Variants in CFAP46 observed in about 807,000 individuals in gnomAD.
The protein encoded by CFAP46 is cilia and flagella associated protein 46.
A neutral mutation model predicts 325.7 loss-of-function variants in CFAP46; 245 were observed. The observed-to-expected ratio is 0.75, with a 90% CI of 0.68 to 0.84. The LOEUF (loss-of-function observed/expected upper bound fraction) is 0.84. Among genes scored for constraint, CFAP46 ranks in the 40% least tolerant of loss-of-function variants. CFAP46 has a pLI of 0.00. For missense variants in CFAP46, 3,346 were observed against 3,543.0 expected, an observed-to-expected ratio of 0.94 and a Z score of 1.41; for synonymous variants, 1,523 against 1,495.9, an observed-to-expected ratio of 1.02 and a Z score of -0.42.
At chr10:132,901,061 G>A (rs542781848) in intron 22 of CFAP46, among the ~76,000 whole-genome samples, 1 of 152,252 alleles carries the variant, frequency 6.6e-6, no homozygotes, top group Non-Finnish European at 1.5e-5. Context: ...GGCACTTGCA[G>A]AGTGCCTCTC....
At chr10:132,845,311 C>T (rs534472600) in intron 44 of CFAP46, among the ~76,000 whole-genome samples, 30 of 152,326 alleles carry the variant, frequency 2.0e-4, no homozygotes, top group African/African-American at 6.3e-4. Flanking sequence ...AGTTCTCAGC[C>T]GGGGCCATGT....
At chr10:132,870,255 C>G (rs1848878339) in intron 32 of CFAP46, among the ~76,000 whole-genome samples, 1 of 152,160 alleles carries the variant, frequency 6.6e-6, no homozygotes, top group Non-Finnish European at 1.5e-5. Flanking sequence ...ATTTCTCTCC[C>G]TCCCCTTGGG....
Position 132,867,320 on chromosome 10 carries a change from A to G in CFAP46, c.4743+55T>C. ...TCAGCTGCAGCCCTGCATGGCCACG[A>G]GGCACCGGCGCCCGCTGGGCTGCGG... is the stretch of plus-strand genomic sequence containing the variant. On this transcript the variant is annotated intron_variant, in intron 34 of 57. Coordinates refer to ENST00000368586, the MANE Select transcript of CFAP46 (RefSeq NM_001200049.3). The G allele has an allele frequency of 2.6e-6, 4 of 1,526,836 alleles. No individual in the cohort carries two copies. The Admixed American group carries it at 8.7e-5, about 33-fold the overall frequency. 94.6% of individuals were successfully genotyped at this position (1,526,836 alleles called of 1,614,324 possible).
In CFAP46 at chr10:132,859,058, G is replaced by A. The variant is rs1848688013; in HGVS notation, c.5375+13C>T. The A allele has an allele frequency of 2.6e-6, 4 of 1,548,284 alleles. No individual in the cohort carries two copies. In the African/African-American group the frequency reaches 5.5e-5, roughly 21 times the overall value. ...CAGTGACTCCCGTGCAGGGGTCGTGGAGGCAGCCTTACCTCTTGATCTTCG... is the reference window on the plus strand; with the variant it reads ...CAGTGACTCCCGTGCAGGGGTCGTGAAGGCAGCCTTACCTCTTGATCTTCG... On this transcript the variant is annotated intron_variant, in intron 38 of 57. Coordinates refer to ENST00000368586, the MANE Select transcript of CFAP46 (RefSeq NM_001200049.3).
rs117770246 is a variant in CFAP46, at chr10:132,828,586, T to C, written c.7117+4772A>G. On this transcript the variant is annotated intron_variant, in intron 50 of 57. Transcript: ENST00000368586. The surrounding 1 kb of genome is among the most constrained non-coding windows in gnomAD (Gnocchi z 4.9). ...AGTTCTTTATATAGTCTAAATTTGT[T>C]ACTGTTATCAGATTCTTCCAGTCTT... Among the ~76,000 whole-genome samples, 582 of 152,330 alleles carry C rather than the reference T, an allele frequency of 3.8e-3. 7 individuals are homozygous for C. The South Asian group carries it at 0.06, about 16-fold the overall frequency.
Position 132,836,929 on chromosome 10 carries a change from A to G in CFAP46, c.6439-15T>C. ...TTTTGCCAAGCCTGTGTGGCGAAAAACGGCCATCAGGGGATGCATTTAGGA... is the reference window on the plus strand; with the variant it reads ...TTTTGCCAAGCCTGTGTGGCGAAAAGCGGCCATCAGGGGATGCATTTAGGA... On this transcript the variant is annotated splice_polypyrimidine_tract_variant and intron_variant, in intron 44 of 57. Coordinates refer to ENST00000368586, the MANE Select transcript of CFAP46 (RefSeq NM_001200049.3). 1 of 1,600,388 alleles carries G rather than the reference A, an allele frequency of 6.2e-7. No homozygotes were observed. Among genetic ancestry groups the G allele is most frequent in the Non-Finnish European group, 8.6e-7 (1 of 1,167,648 alleles).
At chr10:132,874,960 A>G (rs1848939597) in intron 31 of CFAP46, among the ~76,000 whole-genome samples, 1 of 152,234 alleles carries the variant, frequency 6.6e-6, no homozygotes, top group Non-Finnish European at 1.5e-5. Flanking sequence ...AAGAGTGGAA[A>G]CTAAAAAAGA....
chr10:132,857,359 C>T (rs575311283), intron 39 of CFAP46, among the ~76,000 whole-genome samples: 18 of 152,358 alleles, frequency 1.2e-4, no homozygotes, highest in Admixed American at 7.8e-4. Flanking sequence ...GTGGTGAGCT[C>T]GGACCTTAGC....
Position 132,847,522 on chromosome 10 carries a change from C to A in CFAP46, c.5953-201G>T, listed in dbSNP as rs1564776059. Among the ~76,000 whole-genome samples, 2 of 152,020 alleles carry A rather than the reference C, an allele frequency of 1.3e-5. No individual in the cohort carries two copies. Among genetic ancestry groups the A allele is most frequent in the African/African-American group, 4.8e-5 (2 of 41,382 alleles). On this transcript the variant is annotated intron_variant, in intron 41 of 57. Transcript: ENST00000368586. The surrounding 1 kb of genome is among the most constrained non-coding windows in gnomAD (Gnocchi z 5.2). ...TGCAGGGTGGCCCTGACCCGTGAGCCTGGGCAAGGGGACGCTGGAGCCTGG... is the reference window on the plus strand; with the variant it reads ...TGCAGGGTGGCCCTGACCCGTGAGCATGGGCAAGGGGACGCTGGAGCCTGG...
In CFAP46 at chr10:132,918,501, C is replaced by T; in HGVS notation, c.1878G>A (p.Arg626=). The T allele has an allele frequency of 1.3e-6, 2 of 1,523,164 alleles. No homozygotes were observed. The highest frequency in any genetic ancestry group is 2.5e-5 in the East Asian group (1 of 40,148). 94.4% of individuals were successfully genotyped at this position (1,523,164 alleles called of 1,614,324 possible). A position where few individuals can be genotyped will look rare whatever the true frequency, so the allele number is the denominator to read the frequency against. The change falls in exon 16 of 58, where the codon AGG becomes AGA. Residue 626 remains arginine (R), a synonymous_variant. Transcript: ENST00000368586. Reference sequence around the variant, plus strand: ...TCCAGGTGTCCTGCACCGAGCCGTCCCTACCTCGCTTCTTCTTCCCTGAGA... The same window carrying T: ...TCCAGGTGTCCTGCACCGAGCCGTCTCTACCTCGCTTCTTCTTCCCTGAGA... The part of the protein sequence containing the change: ...RLRRGKKKRG[R]DGSVQDTWSQ...
At chr10:132,815,549 A>G (rs10781587) in intron 50 of CFAP46, among the ~76,000 whole-genome samples, 86,005 of 152,136 alleles carry the variant, frequency 0.57, 24,901 homozygotes, top group Admixed American at 0.66. Flanking sequence ...CGAAGTAAAT[A>G]TGTGCATTTT....
chr10:132,919,978 A>C lies in CFAP46; in HGVS notation c.1730+81T>G, dbSNP rs112096435. On this transcript the variant is annotated intron_variant, in intron 14 of 57. Transcript: ENST00000368586. The surrounding 1 kb of genome is among the most constrained non-coding windows in gnomAD (Gnocchi z 9.7). ...AGACGGCCACATGCAGGGTCAGCTC[A>C]GCCGCCACAGACACTGGCCCTCGGG... 2 of 1,419,630 alleles carry C rather than the reference A, an allele frequency of 1.4e-6. No individual in the cohort carries two copies. Among genetic ancestry groups the C allele is most frequent in the African/African-American group, 2.9e-5 (2 of 68,586 alleles). The allele number at this position is 1,419,630 out of a possible 1,614,324, so 87.9% of individuals were successfully genotyped here. A position where few individuals can be genotyped will look rare whatever the true frequency, so the allele number is the denominator to read the frequency against.
chr10:132,941,964 C>T lies in CFAP46; in HGVS notation c.174+16G>A, dbSNP rs1850110204. ...TGTCAAAGCTGCCCTGACCGAGGAT[C>T]CCGGGAACTAGTTACCTTCAGGGCC... On this transcript the variant is annotated intron_variant, in intron 2 of 57. Coordinates refer to ENST00000368586, the MANE Select transcript of CFAP46 (RefSeq NM_001200049.3). The T allele has an allele frequency of 6.4e-7, 1 of 1,551,450 alleles. No individual in the cohort carries two copies. Among genetic ancestry groups the T allele is most frequent in the Non-Finnish European group, 8.7e-7 (1 of 1,146,860 alleles).
At chr10:132,824,664 A>G (rs1463180435) in intron 50 of CFAP46, among the ~76,000 whole-genome samples, 1 of 68,970 alleles carries the variant, frequency 1.4e-5, no homozygotes, top group African/African-American at 6.3e-5. Flanking sequence ...CTGTGTGCTG[A>G]CGTGTGCTGT....
chr10:132,817,293 C>T lies in CFAP46; in HGVS notation c.7118-2379G>A, dbSNP rs900978145. Among the ~76,000 whole-genome samples the T allele has an allele frequency of 6.6e-6, 1 of 152,206 alleles. No individual in the cohort carries two copies. The highest frequency in any genetic ancestry group is 2.4e-5 in the African/African-American group (1 of 41,444). On this transcript the variant is annotated intron_variant, in intron 50 of 57. Coordinates refer to ENST00000368586, the MANE Select transcript of CFAP46 (RefSeq NM_001200049.3). The surrounding 1 kb of genome is among the most constrained non-coding windows in gnomAD (Gnocchi z 4.4). ...TCAGACACCGGCCCTCCGGGTTACT[C>T]TTAAATATTTACTCATTTTCCCTTC...
chr10:132,899,456 G>C, intron 23 of CFAP46, 79 bp downstream of exon 23: 1 of 1,458,180 alleles, frequency 6.9e-7, no homozygotes, highest in South Asian at 1.4e-5. Flanking sequence ...CACAGGATGG[G>C]CCACAGCCTT....
At chr10:132,912,512 C>CCT (rs1386116806) in intron 19 of CFAP46, 143 bp downstream of exon 19, 5 of 568,974 alleles carry the variant, frequency 8.8e-6, no homozygotes, top group Non-Finnish European at 1.1e-5. Context: ...TCTCTCCTCT[C>CCT]CTCTCTCTCT....
intron 27 of CFAP46, among the ~76,000 whole-genome samples, chr10:132,883,656 C>G (rs779988770): frequency 6.6e-6 from 1 of 152,242 alleles, no homozygotes; most frequent in Non-Finnish European, 1.5e-5. Flanking sequence ...CGCCAGAACT[C>G]GGGAGCAAAT....
chr10:132,899,260 T>G (rs944917515), intron 23 of CFAP46, 139 bp from the exon 24 acceptor site: 1 of 1,048,448 alleles, frequency 9.5e-7, no homozygotes, highest in Non-Finnish European at 1.3e-6. Flanking sequence ...TGCTCAGGAG[T>G]CCCTGCTGCA....
Sources: allele counts gnomAD v4.1 joint callset (sites outside exome capture counted in the v4.1 genomes callset), GRCh38; gene constraint gnomAD v4.1.1; non-coding constraint Gnocchi (gnomAD v3.1); transcripts MANE v1.5; gene names NCBI Gene and HGNC (gene_info 2026-07-23, HGNC 2026-07-21).